ATG3: variants seen among roughly 807,000 people sequenced by gnomAD.
ATG3 encodes the protein ubiquitin-like-conjugating enzyme ATG3.
In ATG3, 25 loss-of-function variants were observed where a neutral mutation model predicts 50.7. The ratio of observed to expected loss-of-function variants is 0.49; its 90% CI spans 0.36 to 0.69. The LOEUF is 0.69. ATG3 is among the 30% of genes least tolerant of loss of function. The probability of loss-of-function intolerance (pLI) is 0.00; values close to 1 mark genes in which losing one functional copy is unlikely to be tolerated. For missense variants in ATG3, 281 were observed against 376.0 expected (o/e 0.75, Z 2.09); for synonymous variants, 119 against 125.5 (o/e 0.95, Z 0.34).
Position 112,561,612 on chromosome 3 carries a change from G to C in ATG3, c.-84C>G, listed in dbSNP as rs553534171. On this transcript the variant is annotated 5_prime_UTR_variant, in exon 1 of 12. Transcript: ENST00000283290. ...GGCCAGGGAGTCAGAAAATGTCCTC[G>C]CTGCCACCGACTCGCATCAGCACCC... is the stretch of plus-strand genomic sequence containing the variant. 1.4e-6 allele frequency: 2 copies of C among 1,381,192 alleles called. No individual in the cohort carries two copies. The highest frequency in any genetic ancestry group is 2.9e-5 in the African/African-American group (2 of 69,346). 85.6% of individuals were successfully genotyped at this position (1,381,192 alleles called of 1,614,324 possible). A position where few individuals can be genotyped will look rare whatever the true frequency, so the allele number is the denominator to read the frequency against.
chr3:112,549,834 AAT>A (rs1439733571), intron 4 of ATG3, among the ~76,000 whole-genome samples: 1 of 151,964 alleles, frequency 6.6e-6, no homozygotes, highest in Non-Finnish European at 1.5e-5. Flanking sequence ...CCTGTTTCAA[AAT>A]ATTTTTGTGT....
chr3:112,544,967 G>T (rs1052377627), intron 5 of ATG3, among the ~76,000 whole-genome samples: 1 of 152,026 alleles, frequency 6.6e-6, no homozygotes, highest in African/African-American at 2.4e-5. Context: ...TTGGATTTTT[G>T]GATTAGGGAT....
chr3:112,549,383 G>C (rs1451799871), intron 4 of ATG3, among the ~76,000 whole-genome samples: 1 of 152,124 alleles, frequency 6.6e-6, no homozygotes, highest in Admixed American at 6.5e-5. Flanking sequence ...AAAAACTGCT[G>C]TTCTGTTCAC....
At chr3:112,547,490 A>G (rs1933400185) in intron 5 of ATG3, among the ~76,000 whole-genome samples, 1 of 152,242 alleles carries the variant, frequency 6.6e-6, no homozygotes. Flanking sequence ...TTTTAGTATC[A>G]TGGATTTAAA....
intron 1 of ATG3, 145 bp downstream of exon 1, chr3:112,561,312 G>T: frequency 1.3e-6 from 1 of 789,608 alleles, no homozygotes; most frequent in South Asian, 1.5e-5. Context: ...GACTACGGGT[G>T]GGGGCTGCAC....
chr3:112,539,098 T>TA (rs1286752786), intron 7 of ATG3, among the ~76,000 whole-genome samples: 1 of 152,196 alleles, frequency 6.6e-6, no homozygotes, highest in African/African-American at 2.4e-5. Context: ...CTACCAATGT[T>TA]ACGACCCTAG....
chr3:112,545,653 A>ATT (rs1933350015), intron 5 of ATG3, among the ~76,000 whole-genome samples: 1 of 152,244 alleles, frequency 6.6e-6, no homozygotes, highest in Admixed American at 6.5e-5. Flanking sequence ...ACTGCGGAAC[A>ATT]TAAAAACAAA....
chr3:112,543,909 G>C (rs1056482041), intron 6 of ATG3, 148 bp downstream of exon 6: 3 of 526,710 alleles, frequency 5.7e-6, no homozygotes, highest in Non-Finnish European at 9.9e-6. Context: ...GAATGGGGAA[G>C]AAAACAGCTG....
intron 2 of ATG3, among the ~76,000 whole-genome samples, chr3:112,553,963 A>G (rs867286482): frequency 6.6e-6 from 1 of 152,232 alleles, no homozygotes. Flanking sequence ...AACAAATTGA[A>G]TTCTCTCTAA....
At chr3:112,552,384 G>A (rs1251968677) in intron 3 of ATG3, among the ~76,000 whole-genome samples, 1 of 151,672 alleles carries the variant, frequency 6.6e-6, no homozygotes, top group Non-Finnish European at 1.5e-5. Context: ...AGGTACCTTA[G>A]TAATTAAAAT....
chr3:112,549,922 GC>G (rs1354932093), intron 4 of ATG3, among the ~76,000 whole-genome samples: 22 of 151,378 alleles, frequency 1.5e-4, no homozygotes, highest in African/African-American at 5.3e-4. Flanking sequence ...AATTTCATTT[GC>G]CATGCAAAAT....
At chr3:112,561,377 A>T (rs934266629) in intron 1 of ATG3, 80 bp downstream of exon 1, 7 of 1,445,790 alleles carry the variant, frequency 4.8e-6, no homozygotes, top group Non-Finnish European at 6.8e-6. Flanking sequence ...CGCCGGAGAA[A>T]GCGGGGACTC....
chr3:112,532,850 T>C (rs2082565982), intron 11 of ATG3, 70 bp from the exon 12 acceptor site: 11 of 1,440,600 alleles, frequency 7.6e-6, no homozygotes, highest in Non-Finnish European at 9.1e-6. Context: ...GTTGTAATTA[T>C]CCATTTTATT....
At chr3:112,544,523 G>A (rs552279868) in intron 5 of ATG3, among the ~76,000 whole-genome samples, 2 of 151,976 alleles carry the variant, frequency 1.3e-5, no homozygotes, top group East Asian at 1.9e-4. Flanking sequence ...GCGTGGTGGC[G>A]TGTGCCTGTA....
chr3:112,553,085 T>C (rs1933572195), intron 3 of ATG3, among the ~76,000 whole-genome samples, 195 bp downstream of exon 3: 3 of 152,234 alleles, frequency 2.0e-5, no homozygotes, highest in African/African-American at 4.8e-5. Context: ...TGTGCTAACA[T>C]AGCCAAATAA....
At position 112,561,875 on chromosome 3, in the gene ATG3, G is replaced by T; in HGVS notation, c.-347C>A. The T allele has an allele frequency of 7.0e-6, 2 of 286,014 alleles. No homozygotes were observed. The highest frequency in any genetic ancestry group is 1.3e-5 in the Non-Finnish European group (2 of 151,894). 17.7% of individuals were successfully genotyped at this position (286,014 alleles called of 1,614,324 possible). ...CGCCCTCTGCGAGCTGTCTGTCCTC[G>T]CTTTGCTTCACTCGCGCCCCTTCCG... is the stretch of plus-strand genomic sequence containing the variant. On this transcript the variant is annotated 5_prime_UTR_variant, in exon 1 of 12. Transcript: ENST00000283290.
rs201402926 is a variant in ATG3, at chr3:112,541,922, T to A, written c.394-38A>T. On this transcript the variant is annotated intron_variant, in intron 6 of 11. Coordinates refer to ENST00000283290, the MANE Select transcript of ATG3 (RefSeq NM_022488.5). ...TTATATTTAAAATCACTTAAGTATA[T>A]ACATTAATTTGAACACTGAACACCC... is the stretch of plus-strand genomic sequence containing the variant. The A allele has an allele frequency of 5.3e-5, 81 of 1,516,376 alleles. No homozygotes were observed. In the African/African-American group the frequency reaches 8.4e-4, roughly 16 times the overall value. 93.9% of individuals were successfully genotyped at this position (1,516,376 alleles called of 1,614,324 possible).
intron 11 of ATG3, 52 bp downstream of exon 11, chr3:112,534,217 A>T: frequency 6.3e-7 from 1 of 1,587,774 alleles, no homozygotes; most frequent in South Asian, 1.2e-5. Context: ...TTCTCAAAAA[A>T]AAAATCGTTA....
chr3:112,541,079 G>A (rs1304792113), intron 7 of ATG3, among the ~76,000 whole-genome samples: 4 of 152,120 alleles, frequency 2.6e-5, no homozygotes, highest in Non-Finnish European at 5.9e-5. Context: ...AAACTGATGG[G>A]ATTCTGTGTA....
Sources: gnomAD v4.1 joint callset for allele counts (sites outside exome capture counted in the v4.1 genomes callset) on GRCh38, gnomAD v4.1.1 for gene constraint, MANE v1.5 for transcripts, NCBI Gene and HGNC (gene_info 2026-07-23, HGNC 2026-07-21) for gene names.